OMA1: variants seen among roughly 807,000 people sequenced by gnomAD.
OMA1 encodes the protein metalloendopeptidase OMA1, mitochondrial.
In OMA1, 38 loss-of-function variants were observed where a neutral mutation model predicts 30.9. The ratio of observed to expected loss-of-function variants is 1.23; its 90% confidence interval spans 0.95 to 1.61. The LOEUF (loss-of-function observed/expected upper bound fraction) is 1.61, where lower values mean the gene tolerates loss of function less well. Ranked by LOEUF, OMA1 falls within the 40% of genes most tolerant of loss-of-function variation. The pLI is 0.00. For missense variants in OMA1, 461 were observed against 349.2 expected (o/e 1.32, Z -2.55); for synonymous variants, 173 against 121.9 (o/e 1.42, Z -2.76).
chr1:58,494,796 T>C (rs541512826), intron 8 of OMA1, among the ~76,000 whole-genome samples: 32 of 152,210 alleles, frequency 2.1e-4, no homozygotes, highest in South Asian at 6.2e-4. Flanking sequence ...TGTGGAGAAA[T>C]AGGAACACCT....
chr1:58,489,527 C>G (rs950389236), intron 8 of OMA1, among the ~76,000 whole-genome samples: 2 of 152,106 alleles, frequency 1.3e-5, no homozygotes, highest in Non-Finnish European at 2.9e-5. Flanking sequence ...CAGGGCATAG[C>G]CAAACAAAAG....
intron 8 of OMA1, among the ~76,000 whole-genome samples, chr1:58,488,805 A>T (rs527259535): frequency 6.6e-6 from 1 of 152,244 alleles, no homozygotes; most frequent in African/African-American, 2.4e-5. Flanking sequence ...TGAGCCCCCA[A>T]AGTCCACTGT....
At chr1:58,489,944 G>A (rs1044559853) in intron 8 of OMA1, among the ~76,000 whole-genome samples, 12 of 152,242 alleles carry the variant, frequency 7.9e-5, no homozygotes, top group Middle Eastern at 3.4e-3. Flanking sequence ...CCATCTGTAC[G>A]TCACCATCAT....
At chr1:58,537,177 T>A (rs6684437) in intron 2 of OMA1, among the ~76,000 whole-genome samples, 17,652 of 151,450 alleles carry the variant, frequency 0.12, 1,220 homozygotes, top group African/African-American at 0.18. Context: ...GCCACTGAGG[T>A]AATAAAAGGA....
At chr1:58,507,027 T>G (rs553698508) in intron 7 of OMA1, among the ~76,000 whole-genome samples, 1 of 152,166 alleles carries the variant, frequency 6.6e-6, no homozygotes, top group African/African-American at 2.4e-5. Flanking sequence ...TAAGAAGCTG[T>G]TAACTACCCT....
At chr1:58,529,141 C>T (rs1279519057) in intron 6 of OMA1, among the ~76,000 whole-genome samples, 1 of 152,084 alleles carries the variant, frequency 6.6e-6, no homozygotes, top group African/African-American at 2.4e-5. Flanking sequence ...TCTTTAAGAA[C>T]CTTTACTTCA....
chr1:58,495,946 A>C (rs923758827), intron 8 of OMA1, among the ~76,000 whole-genome samples: 2 of 152,160 alleles, frequency 1.3e-5, no homozygotes, highest in Non-Finnish European at 2.9e-5. Context: ...AAGATTAAAC[A>C]CTTCATAAGT....
At chr1:58,526,150 A>T (rs1646346782) in intron 7 of OMA1, among the ~76,000 whole-genome samples, 1 of 152,148 alleles carries the variant, frequency 6.6e-6, no homozygotes, top group Non-Finnish European at 1.5e-5. Flanking sequence ...AAAATCTGAC[A>T]GACTGGAGTA....
chr1:58,515,171 C>T (rs1157031013), intron 7 of OMA1, among the ~76,000 whole-genome samples: 10 of 152,112 alleles, frequency 6.6e-5, no homozygotes, highest in Admixed American at 6.5e-4. Flanking sequence ...ATTCTCTAAA[C>T]AACATTTTTC....
intron 2 of OMA1, 29 bp downstream of exon 2, chr1:58,538,766 A>G (rs41296155): frequency 0.096 from 69,201 of 722,172 alleles, 3,956 homozygotes; most frequent in African/African-American, 0.18. Flanking sequence ...AGTTAATATA[A>G]AAGTTTTTAT....
intron 8 of OMA1, among the ~76,000 whole-genome samples, chr1:58,481,858 C>A (rs780496213): frequency 6.6e-6 from 1 of 152,182 alleles, no homozygotes; most frequent in Non-Finnish European, 1.5e-5. Context: ...TCTCCTCATT[C>A]GCCTTCCACC....
intron 7 of OMA1, among the ~76,000 whole-genome samples, chr1:58,524,826 A>G (rs552530097): frequency 1.1e-3 from 163 of 152,354 alleles, no homozygotes; most frequent in African/African-American, 3.7e-3. Context: ...TGCACTAAAC[A>G]CAATGAAAAA....
intron 7 of OMA1, among the ~76,000 whole-genome samples, chr1:58,526,133 T>C (rs1296728438): frequency 1.3e-5 from 2 of 152,182 alleles, no homozygotes; most frequent in East Asian, 3.9e-4. Context: ...ACACTTAACA[T>C]ATAGGGAAAA....
chr1:58,499,763 T>A (rs973599873), intron 8 of OMA1, among the ~76,000 whole-genome samples: 2 of 150,894 alleles, frequency 1.3e-5, no homozygotes, highest in Non-Finnish European at 3.0e-5. Flanking sequence ...TCCATAAATA[T>A]ATAAAAAATT....
chr1:58,489,316 G>T (rs1405773833), intron 8 of OMA1, among the ~76,000 whole-genome samples: 1 of 152,196 alleles, frequency 6.6e-6, no homozygotes, highest in Non-Finnish European at 1.5e-5. Context: ...GGCTCAAAGG[G>T]TCCTACGCCC....
intron 7 of OMA1, among the ~76,000 whole-genome samples, chr1:58,520,010 T>C (rs931746577): frequency 1.3e-5 from 2 of 152,166 alleles, no homozygotes; most frequent in Non-Finnish European, 2.9e-5. Context: ...GATTAGCCTA[T>C]TGCATGTTCT....
chr1:58,539,242 C>A lies in OMA1; in HGVS notation c.53G>T (p.Arg18Leu). ...QSAARNHVFF[R>L]FNSLSNWRKC... ...TCTCCAGTTAGACAGTGAATTAAAT[C>A]GGAAGAAAACATGGTTTCTAGCAGC... Residue 18 changes from arginine to leucine, a missense_variant, in exon 2 of 9, where the codon CGA (arginine) becomes CTA (leucine). Transcript: ENST00000371226. 1 of 870,244 alleles carries A rather than the reference C, an allele frequency of 1.1e-6. No individual in the cohort carries two copies. Among genetic ancestry groups the A allele is most frequent in the South Asian group, 1.3e-5 (1 of 75,638 alleles). 53.9% of individuals were successfully genotyped at this position (870,244 alleles called of 1,614,324 possible). A position where few individuals can be genotyped will look rare whatever the true frequency, so the allele number is the denominator to read the frequency against.
intron 7 of OMA1, among the ~76,000 whole-genome samples, chr1:58,515,628 CT>C (rs961565660): frequency 6.6e-6 from 1 of 152,114 alleles, no homozygotes; most frequent in African/African-American, 2.4e-5. Flanking sequence ...ATAAGATGGT[CT>C]CCTTACTTAC....
chr1:58,492,592 C>T lies in OMA1; in HGVS notation c.1366-11418G>A, dbSNP rs1406069652. ...AAAATGATAAAGGGGATATCACCAC[C>T]GATCCCACAGAAATACAAACTACCA... is the stretch of plus-strand genomic sequence containing the variant. On this transcript the variant is annotated intron_variant, in intron 8 of 8. Coordinates refer to ENST00000371226, the MANE Select transcript of OMA1 (RefSeq NM_145243.5). Among the ~76,000 whole-genome samples, 9 of 152,072 alleles carry T rather than the reference C, an allele frequency of 5.9e-5. No individual in the cohort carries two copies. The East Asian group carries it at 1.2e-3, about 20-fold the overall frequency.
Sources: allele counts gnomAD v4.1 joint callset (sites outside exome capture counted in the v4.1 genomes callset), GRCh38; gene constraint gnomAD v4.1.1; transcripts MANE v1.5; gene names NCBI Gene and HGNC (gene_info 2026-07-23, HGNC 2026-07-21).